The following GPHN variants were observed in gnomAD, a reference collection of about 807,000 sequenced individuals.
GPHN encodes the protein gephyrin.
A neutral mutation model predicts 95.5 loss-of-function variants in GPHN; 17 were observed. That is an observed-to-expected ratio of 0.18 (90% CI 0.12 to 0.27). The LOEUF is 0.27. GPHN is among the 10% of genes least tolerant of loss of function. GPHN has a pLI of 1.00. For synonymous variants in GPHN, 320 were observed against 322.5 expected, an observed-to-expected ratio of 0.99 and a Z score of 0.08; for missense variants, 660 against 978.1, an observed-to-expected ratio of 0.67 and a Z score of 4.34.
intron 1 of GPHN, among the ~76,000 whole-genome samples, chr14:66,540,464 A>G (rs1358355524): frequency 6.6e-6 from 1 of 152,206 alleles, no homozygotes; most frequent in East Asian, 1.9e-4. Context: ...TCCACCACAC[A>G]TGCTAATTGA....
At chr14:67,389,966 T>C in the GPHN span, among the ~76,000 whole-genome samples, 1 of 151,978 alleles carries the variant, frequency 6.6e-6, no homozygotes, top group Non-Finnish European at 1.5e-5. Context: ...CCTAGCTGGG[T>C]CCAGGCAGGG....
chr14:67,666,221 T>C, the GPHN span, among the ~76,000 whole-genome samples: 1 of 152,196 alleles, frequency 6.6e-6, no homozygotes, highest in East Asian at 1.9e-4. Context: ...TGTTTAGTCA[T>C]AAATTCTCCT....
chr14:67,312,415 T>C, the GPHN span: 4 of 733,156 alleles, frequency 5.5e-6, no homozygotes, highest in Non-Finnish European at 6.0e-6. Flanking sequence ...CTGTCTCTAT[T>C]AAATTTTTTT....
intron 4 of GPHN, among the ~76,000 whole-genome samples, chr14:66,838,049 G>A (rs866843635): frequency 6.6e-5 from 10 of 152,010 alleles, no homozygotes; most frequent in Middle Eastern, 3.4e-3. Context: ...TCTGTAATGG[G>A]GCATAAAATT....
intron 2 of GPHN, among the ~76,000 whole-genome samples, chr14:66,728,117 T>G (rs2153432093): frequency 6.6e-6 from 1 of 152,264 alleles, no homozygotes; most frequent in South Asian, 2.1e-4. Context: ...CCCCAAGCCT[T>G]GGCAGCTTCT....
the GPHN span, chr14:67,198,105 G>A: frequency 1.3e-6 from 2 of 1,568,590 alleles, no homozygotes; most frequent in African/African-American, 2.7e-5. Context: ...AATTCTCTCT[G>A]TATCCACTAA....
At chr14:66,697,689 TC>T (rs1566833374) in intron 2 of GPHN, among the ~76,000 whole-genome samples, 12 of 81,956 alleles carry the variant, frequency 1.5e-4, no homozygotes, top group African/African-American at 1.3e-3. Flanking sequence ...TTTTCTTTTT[TC>T]TTTTCTTTTT....
At chr14:67,129,244 C>G (rs1487891780) in intron 17 of GPHN, among the ~76,000 whole-genome samples, 2 of 151,830 alleles carry the variant, frequency 1.3e-5, no homozygotes, top group African/African-American at 4.8e-5. Flanking sequence ...TTTGGTGGAC[C>G]AGTATTGACA....
chr14:66,790,492 C>G (rs1033327277), intron 3 of GPHN, among the ~76,000 whole-genome samples: 4 of 152,126 alleles, frequency 2.6e-5, no homozygotes, highest in African/African-American at 9.7e-5. Context: ...TTTAAATGCT[C>G]AAGATAATTT....
At chr14:67,551,126 CTT>C in the GPHN span, among the ~76,000 whole-genome samples, 1 of 152,204 alleles carries the variant, frequency 6.6e-6, no homozygotes, top group Non-Finnish European at 1.5e-5. Flanking sequence ...ATAGGACACT[CTT>C]TAAATTAATA....
chr14:67,713,972 T>G, the GPHN span, among the ~76,000 whole-genome samples: 20,393 of 152,050 alleles, frequency 0.13, 1,409 homozygotes, highest in East Asian at 0.21. Context: ...TGAGGAGAGG[T>G]ATGACTTTGA....
chr14:67,386,850 C>CT, the GPHN span: 1 of 152,570 alleles, frequency 6.6e-6, no homozygotes, highest in Non-Finnish European at 1.5e-5. Context: ...ACCATCCCCA[C>CT]TTTAAGATGA....
the GPHN span, among the ~76,000 whole-genome samples, chr14:67,234,794 C>A: frequency 6.6e-6 from 1 of 150,908 alleles, no homozygotes; most frequent in Non-Finnish European, 1.5e-5. Flanking sequence ...AGGTGATCCA[C>A]CCGCCTCAGC....
intron 1 of GPHN, among the ~76,000 whole-genome samples, chr14:66,664,273 T>C (rs2065822940): frequency 1.3e-5 from 2 of 152,258 alleles, no homozygotes; most frequent in East Asian, 3.9e-4. Context: ...ACTGAAATCA[T>C]AACCAACAGT....
intron 5 of GPHN, among the ~76,000 whole-genome samples, chr14:66,910,626 A>G (rs117912924): frequency 0.012 from 1,829 of 152,078 alleles, 19 homozygotes; most frequent in Non-Finnish European, 0.018. Flanking sequence ...AATTCAGTAC[A>G]CACACACATA....
chr14:67,004,420 T>C (rs2072457664), intron 9 of GPHN, among the ~76,000 whole-genome samples: 1 of 151,800 alleles, frequency 6.6e-6, no homozygotes, highest in African/African-American at 2.4e-5. Flanking sequence ...ATATTAAGCA[T>C]ATAGAGAATG....
chr14:67,652,964 G>T, the GPHN span, among the ~76,000 whole-genome samples: 1,748 of 152,058 alleles, frequency 0.011, 25 homozygotes, highest in African/African-American at 0.04. Flanking sequence ...TAATTTTTTT[G>T]TATTTTTAGT....
At chr14:67,330,156 T>TAA in the GPHN span, among the ~76,000 whole-genome samples, 1,621 of 139,232 alleles carry the variant, frequency 0.012, 18 homozygotes, top group Middle Eastern at 0.019. Context: ...ATAATAATAA[T>TAA]TATTATTATT....
chr14:67,271,023 A>G, the GPHN span: 1 of 152,228 alleles, frequency 6.6e-6, no homozygotes, highest in East Asian at 1.9e-4. Flanking sequence ...AGTAAAAGAT[A>G]TAGCTAGAAA....
Sources: gnomAD v4.1 joint callset for allele counts (sites outside exome capture counted in the v4.1 genomes callset) on GRCh38, gnomAD v4.1.1 for gene constraint, MANE v1.5 for transcripts, NCBI Gene and HGNC (gene_info 2026-07-23, HGNC 2026-07-21) for gene names.